Variants in ARF5 observed in about 807,000 individuals in gnomAD.
The protein encoded by ARF5 is ADP-ribosylation factor 5.
ARF5 carries 10 observed loss-of-function variants against 24.8 expected under a neutral mutation model. The observed-to-expected ratio is 0.40, with a 90% CI of 0.25 to 0.68. The LOEUF (loss-of-function observed/expected upper bound fraction) is 0.68. Among genes scored for constraint, ARF5 ranks in the 30% least tolerant of loss-of-function variants. The pLI is 0.36. For missense variants in ARF5, 135 were observed against 239.2 expected (o/e 0.56, Z 2.87); for synonymous variants, 102 against 95.1 (o/e 1.07, Z -0.42).
intron 1 of ARF5, 108 bp downstream of exon 1, chr7:127,588,673 A>G (rs1794240131): frequency 1.8e-6 from 2 of 1,105,644 alleles, no homozygotes; most frequent in South Asian, 2.8e-5. Context: ...GCCCCGAGTC[A>G]CCCACCTCAT....
Position 127,589,112 on chromosome 7 carries a change from A to G in ARF5, c.97A>G (p.Ile33Val), listed in dbSNP as rs767832041. The G allele has an allele frequency of 8.7e-5, 141 of 1,614,016 alleles. No homozygotes were observed. Among genetic ancestry groups the G allele is most frequent in the Non-Finnish European group, 1.2e-4 (139 of 1,180,000 alleles). Residue 33 changes from isoleucine (I) to valine (V), a missense_variant, in exon 2 of 6, where the codon ATC (isoleucine) becomes GTC (valine). By Grantham distance (29) the Ile-to-Val change is conservative (BLOSUM62 3). This residue lies in a region of ARF5 where 8 missense variants were observed against 47.7 expected (regional missense o/e 0.17). Transcript: ENST00000000233. The part of the protein sequence containing the change: ...VGLDAAGKTT[I>V]LYKLKLGEIV... ...CTTGGATGCGGCTGGCAAGACCACA[A>G]TCCTGTACAAACTGAAGTTGGGGGA... is the stretch of plus-strand genomic sequence containing the variant.
At chr7:127,589,937 C>A in intron 3 of ARF5, 129 bp from the exon 4 acceptor site, 1 of 864,710 alleles carries the variant, frequency 1.2e-6, no homozygotes, top group Non-Finnish European at 1.9e-6. Context: ...GTTCTGTAAA[C>A]TTCTGTAGAG....
At chr7:127,589,951 A>C (rs771412641) in intron 3 of ARF5, 115 bp from the exon 4 acceptor site, 1 of 946,418 alleles carries the variant, frequency 1.1e-6, no homozygotes, top group Non-Finnish European at 1.7e-6. Context: ...TGTAGAGTTT[A>C]CTAGATGAGA....
At chr7:127,589,627 C>G in intron 3 of ARF5, 33 bp downstream of exon 3, 2 of 1,527,460 alleles carry the variant, frequency 1.3e-6, no homozygotes, top group South Asian at 1.1e-5. Flanking sequence ...TCTAACCCCA[C>G]GGGAAAAGGT....
chr7:127,589,524 TCA>T lies in ARF5; in HGVS notation c.191_192del (p.Thr64SerfsTer31). 6.2e-7 allele frequency: 1 copy of T among 1,613,726 alleles called. No individual in the cohort carries two copies. The highest frequency in any genetic ancestry group is 8.5e-7 in the Non-Finnish European group (1 of 1,179,920). ...ACAGTGGAATATAAGAACATCTGTTTCACAGTCTGGGACGTGGGAGGCCAGGA... is the reference window on the plus strand; with the variant it reads ...ACAGTGGAATATAAGAACATCTGTTTCAGTCTGGGACGTGGGAGGCCAGGA... On this transcript the variant is annotated frameshift_variant, in exon 3 of 6. Coordinates refer to ENST00000000233, the MANE Select transcript of ARF5 (RefSeq NM_001662.4). LOFTEE classifies it high-confidence loss of function.
chr7:127,589,676 G>A, intron 3 of ARF5, 82 bp downstream of exon 3: 2 of 1,176,698 alleles, frequency 1.7e-6, no homozygotes, highest in Non-Finnish European at 2.5e-6. Context: ...CCTAGGCTGG[G>A]CCCCCAGGCC....
intron 3 of ARF5, 174 bp from the exon 4 acceptor site, chr7:127,589,892 A>G: frequency 1.6e-6 from 1 of 644,242 alleles, no homozygotes; most frequent in South Asian, 1.9e-5. Context: ...TGGGGTCTCT[A>G]GTTTGTGCCA....
chr7:127,589,973 A>T, intron 3 of ARF5, 93 bp from the exon 4 acceptor site: 2 of 1,127,912 alleles, frequency 1.8e-6, no homozygotes. Flanking sequence ...GGATTGACAC[A>T]ATTACAAATG....
In ARF5 at chr7:127,591,062, G is replaced by T; in HGVS notation, c.430G>T (p.Gly144Trp). 6.2e-7 allele frequency: 1 copy of T among 1,614,018 alleles called. No homozygotes were observed. The highest frequency in any genetic ancestry group is 8.5e-7 in the Non-Finnish European group (1 of 1,179,986). ...CGTGAGCGAGCTGACTGACAAGCTGGGGCTACAGCACTTACGCAGCCGCAC... is the reference window on the plus strand; with the variant it reads ...CGTGAGCGAGCTGACTGACAAGCTGTGGCTACAGCACTTACGCAGCCGCAC... ...MPVSELTDKL[G>W]LQHLRSRTWY... is the part of the protein sequence containing the mutation. The change falls in exon 5 of 6, where the codon GGG becomes TGG. Residue 144 changes from glycine (G) to tryptophan (W), a missense_variant. Gly to Trp is a radical substitution (Grantham distance 184). Around this residue, in one of 3 missense-constraint regions of ARF5, gnomAD observed 102 missense variants for 160.9 expected, o/e 0.63. Transcript: ENST00000000233.
chr7:127,591,240 C>T lies in ARF5; in HGVS notation c.484C>T (p.Gln162Ter). 1 of 1,607,344 alleles carries T rather than the reference C, an allele frequency of 6.2e-7. No individual in the cohort carries two copies. Among genetic ancestry groups the T allele is most frequent in the Non-Finnish European group, 8.5e-7 (1 of 1,177,970 alleles). The change falls in exon 6 of 6, where the codon CAA becomes TAA. Residue 162 changes from glutamine to a stop codon, truncating the protein, a stop_gained. Coordinates refer to ENST00000000233, the MANE Select transcript of ARF5 (RefSeq NM_001662.4). LOFTEE classifies it high-confidence loss of function. ...TWYVQATCAT[Q>*]GTGLYDGLDW... ...GTATGTCCAGGCCACCTGTGCCACCCAAGGCACAGGTCTGTACGATGGTCT... is the reference window on the plus strand; with the variant it reads ...GTATGTCCAGGCCACCTGTGCCACCTAAGGCACAGGTCTGTACGATGGTCT...
rs1429707809 is a variant in ARF5, at chr7:127,590,151, G to A, written c.330+14G>A. 1.2e-6 allele frequency: 2 copies of A among 1,612,298 alleles called. No homozygotes were observed. The highest frequency in any genetic ancestry group is 1.7e-5 in the Admixed American group (1 of 60,022). The stretch of plus-strand genomic sequence containing the variant: ...CTCCAGAAGATGGTGAGTACCCAGA[G>A]CCCTGGGAACTGAGCCCTCAGCTTG... On this transcript the variant is annotated intron_variant, in intron 4 of 5. Coordinates refer to ENST00000000233, the MANE Select transcript of ARF5 (RefSeq NM_001662.4).
chr7:127,591,107 T>G lies in ARF5; in HGVS notation c.456+19T>G. ...CCGCACGGTAGGGGTCCTGCCCACCTGGTGCTGAATCCTGCCTCTTGAGGG... is the reference window on the plus strand; with the variant it reads ...CCGCACGGTAGGGGTCCTGCCCACCGGGTGCTGAATCCTGCCTCTTGAGGG... On this transcript the variant is annotated intron_variant, in intron 5 of 5. Transcript: ENST00000000233. 6.2e-7 allele frequency: 1 copy of G among 1,613,226 alleles called. No individual in the cohort carries two copies. Among genetic ancestry groups the G allele is most frequent in the Non-Finnish European group, 8.5e-7 (1 of 1,179,736 alleles).
At chr7:127,590,181 CAG>C in intron 4 of ARF5, 44 bp downstream of exon 4, 1 of 1,520,050 alleles carries the variant, frequency 6.6e-7, no homozygotes. Flanking sequence ...AGCTTGGGGA[CAG>C]AGTGATCTCT....
At position 127,591,464 on chromosome 7, in the gene ARF5, C is replaced by A; in HGVS notation, c.*165C>A. On this transcript the variant is annotated 3_prime_UTR_variant, in exon 6 of 6. Transcript: ENST00000000233. ...CTGCATGTTCTCTCTGTTGTTGGAG[C>A]CTGGAGCCTTGCTCTCTGGGCACAG... 1.3e-5 allele frequency: 8 copies of A among 622,504 alleles called. No individual in the cohort carries two copies. In the South Asian group the frequency reaches 1.8e-4, roughly 14 times the overall value. The allele number at this position is 622,504 out of a possible 1,614,324, so 38.6% of individuals were successfully genotyped here.
intron 1 of ARF5, 53 bp downstream of exon 1, chr7:127,588,618 C>T (rs940699906): frequency 7.8e-7 from 1 of 1,289,788 alleles, no homozygotes; most frequent in Non-Finnish European, 1.0e-6. Context: ...CCGGCGCAGC[C>T]CTTCCGCCCC....
At chr7:127,590,158 G>A (rs371970454) in intron 4 of ARF5, 21 bp downstream of exon 4, 1 of 1,607,428 alleles carries the variant, frequency 6.2e-7, no homozygotes, top group South Asian at 1.1e-5. Flanking sequence ...AGAGCCCTGG[G>A]AACTGAGCCC....
rs543029597 is a variant in ARF5 at position 127,591,601 on chromosome 7, G to A, written c.*302G>A. ...GTTTCCTTTTTTTTTTCTGTTTTGGGTGTACTCTAGGGGCCAGGTTGGGAG... is the reference window on the plus strand; with the variant it reads ...GTTTCCTTTTTTTTTTCTGTTTTGGATGTACTCTAGGGGCCAGGTTGGGAG... On this transcript the variant is annotated 3_prime_UTR_variant, in exon 6 of 6. Transcript: ENST00000000233. 30 of 361,320 alleles carry A rather than the reference G, an allele frequency of 8.3e-5. 1 individual carries two copies. In the South Asian group the frequency reaches 9.1e-4, roughly 11 times the overall value. 22.4% of individuals were successfully genotyped at this position (361,320 alleles called of 1,614,324 possible).
At chr7:127,589,337 C>T (rs367753999) in intron 2 of ARF5, 148 bp from the exon 3 acceptor site, 2 of 1,038,776 alleles carry the variant, frequency 1.9e-6, no homozygotes, top group African/African-American at 1.6e-5. Context: ...GACCTAGCCC[C>T]GCCCTGTTGA....
At chr7:127,588,971 C>T (rs1794245134) in intron 1 of ARF5, 112 bp from the exon 2 acceptor site, 4 of 1,275,480 alleles carry the variant, frequency 3.1e-6, no homozygotes, top group Admixed American at 3.6e-5. Context: ...CACCTGGAGG[C>T]GCTCCCGCTC....
Sources: gnomAD v4.1 joint callset for allele counts on GRCh38, gnomAD v4.1.1 for gene constraint, gnomAD v4.1.1 regional missense constraint, MANE v1.5 for transcripts, NCBI Gene and HGNC (gene_info 2026-07-23, HGNC 2026-07-21) for gene names.